GAL3ST1: variants seen among roughly 807,000 people sequenced by gnomAD.
The protein encoded by GAL3ST1 is galactosylceramide sulfotransferase.
Under a neutral mutation model 25.0 loss-of-function variants are expected in GAL3ST1, and 13 were observed. The ratio of observed to expected loss-of-function variants is 0.52; its 90% CI spans 0.34 to 0.83. The LOEUF is 0.83. Among genes scored for constraint, GAL3ST1 ranks in the 40% least tolerant of loss-of-function variants. GAL3ST1 has a pLI of 0.02. For missense variants in GAL3ST1, 474 were observed against 613.6 expected (o/e 0.77, Z 2.40); for synonymous variants, 274 against 277.8 (o/e 0.99, Z 0.14).
chr22:30,566,889 G>A (rs1239332182), intron 1 of GAL3ST1, among the ~76,000 whole-genome samples: 10 of 152,148 alleles, frequency 6.6e-5, no homozygotes, highest in African/African-American at 2.4e-4. Context: ...GATTACAGGC[G>A]TGAGCCACCA....
At chr22:30,570,781 C>T (rs550875962) in intron 1 of GAL3ST1, among the ~76,000 whole-genome samples, 1 of 101,044 alleles carries the variant, frequency 9.9e-6, no homozygotes, top group South Asian at 3.5e-4. Context: ...AACGAAACTC[C>T]GTCTCAAAAA....
At chr22:30,570,977 TACACACACACACACACACACACAC>T (rs67031445) in intron 1 of GAL3ST1, among the ~76,000 whole-genome samples, 1 of 146,088 alleles carries the variant, frequency 6.8e-6, no homozygotes, top group Non-Finnish European at 1.5e-5. Context: ...TCTGTGATGA[TACACACACACACACACACACACAC>T]ACACACACAC....
chr22:30,573,637 C>A (rs1051964886), intron 1 of GAL3ST1, among the ~76,000 whole-genome samples: 2 of 152,246 alleles, frequency 1.3e-5, no homozygotes, highest in African/African-American at 2.4e-5. Context: ...GCACCTGTCA[C>A]CGCGGCAGCC....
At position 30,557,312 on chromosome 22, in the gene GAL3ST1, C is replaced by T. The variant is rs754376240; in HGVS notation, c.81G>A (p.Leu27=). Reference sequence around the variant, plus strand: ...GGGGCACGGCATAGGAGTACACCAGCAGCAGGAAACTAGTGAAGAGCGCGC... The same window carrying T: ...GGGGCACGGCATAGGAGTACACCAGTAGCAGGAAACTAGTGAAGAGCGCGC... ...VLGALFTSFL[L]LVYSYAVPPL... The change falls in exon 3 of 4, where the codon CTG becomes CTA. Residue 27 remains leucine (L), a synonymous_variant. Transcript: ENST00000406361. The T allele has an allele frequency of 6.2e-7, 1 of 1,614,230 alleles. No individual in the cohort carries two copies. Among genetic ancestry groups the T allele is most frequent in the Non-Finnish European group, 8.5e-7 (1 of 1,180,016 alleles).
intron 1 of GAL3ST1, among the ~76,000 whole-genome samples, chr22:30,563,886 AGCCTGGGC>A (rs1388813623): frequency 6.6e-6 from 1 of 151,106 alleles, no homozygotes; most frequent in Non-Finnish European, 1.5e-5. Flanking sequence ...ACTGCACTCC[AGCCTGGGC>A]GACAGAGCGA....
Position 30,555,890 on chromosome 22 carries a change from C to A in GAL3ST1, c.335G>T (p.Arg112Leu). The change falls in exon 4 of 4, where the codon CGC becomes CTC. Residue 112 changes from arginine (R) to leucine (L), a missense_variant. Physicochemically the swap from Arg to Leu is moderately radical, Grantham distance 102. Transcript: ENST00000406361. This position sits in a 1 kb window ranked among gnomAD's most constrained non-coding sequence, Gnocchi z 8.6. ...GAAGGTCGGGTAGTCGAAGTCATTG[C>A]GGCCGTTAGGGAAGGCGAACTTGAG... is the stretch of plus-strand genomic sequence containing the variant. ...HRLKFAFPNGRNDFDYPTFFA... is the reference protein window; with the variant it reads ...HRLKFAFPNGLNDFDYPTFFA... 3.1e-6 allele frequency: 5 copies of A among 1,614,146 alleles called. No individual in the cohort carries two copies. The highest frequency in any genetic ancestry group is 4.2e-6 in the Non-Finnish European group (5 of 1,180,016).
intron 1 of GAL3ST1, chr22:30,566,174 G>GT (rs1199157604): frequency 6.6e-6 from 1 of 152,262 alleles, no homozygotes; most frequent in Admixed American, 6.5e-5. Context: ...CTGGAACCAG[G>GT]TTTGGGACAT....
chr22:30,557,678 TAGAGAACCAGGG>T (rs2086124133), intron 2 of GAL3ST1: 2 of 320,020 alleles, frequency 6.2e-6, no homozygotes, highest in Admixed American at 4.7e-5. Flanking sequence ...ATGAACCGGG[TAGAGAACCAGGG>T]CCCCAAACTT....
At chr22:30,573,288 T>C (rs2086830250) in intron 1 of GAL3ST1, among the ~76,000 whole-genome samples, 1 of 151,920 alleles carries the variant, frequency 6.6e-6, no homozygotes, top group Admixed American at 6.6e-5. Flanking sequence ...TGGGCTGGGG[T>C]CCTGAAATGG....
intron 3 of GAL3ST1, among the ~76,000 whole-genome samples, chr22:30,556,980 CCG>C (rs2086070354): frequency 6.6e-6 from 1 of 152,224 alleles, no homozygotes; most frequent in African/African-American, 2.4e-5. Flanking sequence ...GACGATCTGC[CCG>C]CCTGGGCCTC....
intron 1 of GAL3ST1, among the ~76,000 whole-genome samples, chr22:30,567,334 G>A (rs543270843): frequency 7.9e-5 from 12 of 152,232 alleles, no homozygotes; most frequent in South Asian, 2.1e-4. Context: ...GTACAGTGGC[G>A]TGATCATGAC....
chr22:30,565,102 C>G (rs2086583466), intron 1 of GAL3ST1: 1 of 152,850 alleles, frequency 6.5e-6, no homozygotes, highest in African/African-American at 2.4e-5. Context: ...AACAAGCAAG[C>G]AGCTCTTTCA....
rs1351086553 is a variant in GAL3ST1, at chr22:30,555,172, G to A, written c.1053C>T (p.Ala351=). Residue 351 remains alanine (A), a synonymous_variant, in exon 4 of 4, where the codon GCC becomes GCT. Coordinates refer to ENST00000406361, the MANE Select transcript of GAL3ST1 (RefSeq NM_001318104.2). The surrounding 1 kb of genome is among the most constrained non-coding windows in gnomAD (Gnocchi z 8.6). ...MRTICIDGGH[A]VDAAAIQDEA... is the part of the protein sequence containing the mutation. ...CGTCCTGGATGGCGGCGGCGTCCAC[G>A]GCGTGGCCCCCGTCGATGCAGATGG... 4.4e-6 allele frequency: 7 copies of A among 1,602,982 alleles called. No individual in the cohort carries two copies. The highest frequency in any genetic ancestry group is 1.3e-5 in the African/African-American group (1 of 74,808).
In GAL3ST1 at chr22:30,555,839, T is replaced by C; in HGVS notation, c.386A>G (p.Tyr129Cys). 3 of 1,614,178 alleles carry C rather than the reference T, an allele frequency of 1.9e-6. No individual in the cohort carries two copies. Among genetic ancestry groups the C allele is most frequent in the South Asian group, 1.1e-5 (1 of 91,084 alleles). Residue 129 changes from tyrosine to cysteine, a missense_variant, in exon 4 of 4, where the codon TAT (tyrosine) becomes TGT (cysteine). Tyr to Cys is a radical substitution (Grantham distance 194). Transcript: ENST00000406361. This position sits in a 1 kb window ranked among gnomAD's most constrained non-coding sequence, Gnocchi z 8.6. ...GATGTTGAAGCAGGCCCCGGGCCGA[T>C]AGTCCTGCACCAGGCTGCGGGCGAA... ...TFFARSLVQD[Y>C]RPGACFNIIC...
In GAL3ST1 at chr22:30,555,885, C is replaced by G; in HGVS notation, c.340G>C (p.Asp114His). 6.2e-7 allele frequency: 1 copy of G among 1,614,196 alleles called. No homozygotes were observed. Among genetic ancestry groups the G allele is most frequent in the East Asian group, 2.2e-5 (1 of 44,882 alleles). ...GCGAAGAAGGTCGGGTAGTCGAAGT[C>G]ATTGCGGCCGTTAGGGAAGGCGAAC... ...LKFAFPNGRN[D>H]FDYPTFFARS... The change falls in exon 4 of 4, where the codon GAC becomes CAC. Residue 114 changes from aspartate to histidine, a missense_variant. Physicochemically the swap from Asp to His is moderately conservative, Grantham distance 81. Transcript: ENST00000406361. This position sits in a 1 kb window ranked among gnomAD's most constrained non-coding sequence, Gnocchi z 8.6.
chr22:30,570,463 CA>C (rs1464481359), intron 1 of GAL3ST1, among the ~76,000 whole-genome samples: 5 of 152,216 alleles, frequency 3.3e-5, no homozygotes, highest in African/African-American at 1.2e-4. Context: ...CCTTTACCCC[CA>C]TTTAGAAGAT....
intron 1 of GAL3ST1, chr22:30,572,820 AG>A (rs1335838879): frequency 6.6e-6 from 1 of 152,314 alleles, no homozygotes. Context: ...AAGTGAAGCA[AG>A]GAGCCCTTCA....
intron 3 of GAL3ST1, 135 bp downstream of exon 3, chr22:30,557,127 G>T: frequency 1.2e-6 from 1 of 824,042 alleles, no homozygotes; most frequent in Non-Finnish European, 1.9e-6. Flanking sequence ...TTTCTGTCTG[G>T]CACAGCATGG....
At chr22:30,563,808 C>G (rs1227638127) in intron 1 of GAL3ST1, among the ~76,000 whole-genome samples, 2 of 150,112 alleles carry the variant, frequency 1.3e-5, no homozygotes, top group Non-Finnish European at 3.0e-5. Flanking sequence ...CCCAGCTACT[C>G]AGGAGGCTGA....
Sources: gnomAD v4.1 joint callset for allele counts (sites outside exome capture counted in the v4.1 genomes callset) on GRCh38, gnomAD v4.1.1 for gene constraint, Gnocchi (gnomAD v3.1) non-coding constraint, MANE v1.5 for transcripts, NCBI Gene and HGNC (gene_info 2026-07-23, HGNC 2026-07-21) for gene names.